WWOX: variants seen among roughly 807,000 people sequenced by gnomAD.
WWOX encodes the protein WW domain-containing oxidoreductase.
A neutral mutation model predicts 46.2 loss-of-function variants in WWOX; 69 were observed. The ratio of observed to expected loss-of-function variants is 1.49; its 90% CI spans 1.23 to 1.82. WWOX has a LOEUF of 1.82. Ranked by LOEUF, WWOX falls within the 40% of genes most tolerant of loss-of-function variation. The pLI is 0.00. For missense variants in WWOX, 919 were observed against 542.6 expected, an observed-to-expected ratio of 1.69 and a Z score of -6.89; for synonymous variants, 359 against 202.6, an observed-to-expected ratio of 1.77 and a Z score of -6.56.
intron 8 of WWOX, among the ~76,000 whole-genome samples, chr16:79,087,437 G>A (rs147370255): frequency 2.0e-5 from 3 of 152,280 alleles, no homozygotes; most frequent in African/African-American, 7.2e-5. Context: ...TGGTTTGTAG[G>A]CAGCTTTTCA....
At chr16:78,761,735 A>C (rs1215686107) in intron 8 of WWOX, among the ~76,000 whole-genome samples, 1 of 152,150 alleles carries the variant, frequency 6.6e-6, no homozygotes, top group African/African-American at 2.4e-5. Flanking sequence ...GTCCTCTTTG[A>C]AATCCCACAT....
chr16:78,910,156 T>TC (rs897180511), intron 8 of WWOX, among the ~76,000 whole-genome samples: 5 of 148,116 alleles, frequency 3.4e-5, no homozygotes, highest in African/African-American at 1.2e-4. Context: ...TGATGCTTTT[T>TC]CTCCCTTTTT....
At chr16:78,642,129 T>C (rs1012104039) in intron 8 of WWOX, among the ~76,000 whole-genome samples, 9 of 152,162 alleles carry the variant, frequency 5.9e-5, no homozygotes, top group Admixed American at 3.9e-4. Context: ...TTTCTCTCCA[T>C]CTAACAAGAA....
chr16:78,210,824 G>A (rs1428071133), intron 5 of WWOX, among the ~76,000 whole-genome samples: 1 of 152,086 alleles, frequency 6.6e-6, no homozygotes, highest in Non-Finnish European at 1.5e-5. Flanking sequence ...CCTATCTGTG[G>A]TTTAATATGT....
At chr16:79,028,498 A>G (rs1432766691) in intron 8 of WWOX, among the ~76,000 whole-genome samples, 1 of 151,680 alleles carries the variant, frequency 6.6e-6, no homozygotes, top group Non-Finnish European at 1.5e-5. Flanking sequence ...CTGCAAATCT[A>G]TCATTTTTCT....
chr16:78,122,434 A>G (rs2033142512), intron 4 of WWOX, among the ~76,000 whole-genome samples: 1 of 152,176 alleles, frequency 6.6e-6, no homozygotes, highest in South Asian at 2.1e-4. Flanking sequence ...CCCATAATTA[A>G]AAAAATTAAT....
chr16:78,894,336 C>G (rs937252863), intron 8 of WWOX, among the ~76,000 whole-genome samples: 1 of 152,186 alleles, frequency 6.6e-6, no homozygotes, highest in Non-Finnish European at 1.5e-5. Flanking sequence ...TGGTTCTTTG[C>G]TTCTCTCCAG....
chr16:78,673,243 T>A (rs1326730395), intron 8 of WWOX, among the ~76,000 whole-genome samples: 1 of 152,164 alleles, frequency 6.6e-6, no homozygotes, highest in Non-Finnish European at 1.5e-5. Context: ...TAATTTCTTC[T>A]TGGAAGTGAA....
At chr16:79,087,621 G>C (rs577053776) in intron 8 of WWOX, among the ~76,000 whole-genome samples, 30 of 152,342 alleles carry the variant, frequency 2.0e-4, no homozygotes, top group African/African-American at 7.0e-4. Flanking sequence ...ATTGGAGGCA[G>C]AGAAGAATTA....
intron 8 of WWOX, among the ~76,000 whole-genome samples, chr16:78,719,020 A>T (rs1394536138): frequency 6.6e-6 from 1 of 152,160 alleles, no homozygotes; most frequent in Non-Finnish European, 1.5e-5. Flanking sequence ...CAGGGGGGTT[A>T]GGTGGGTGAA....
At chr16:78,732,787 T>C (rs544735077) in intron 8 of WWOX, among the ~76,000 whole-genome samples, 13 of 152,320 alleles carry the variant, frequency 8.5e-5, no homozygotes, top group Admixed American at 6.5e-5. Context: ...TGTTTTCTTA[T>C]GGTTTTGGAA....
intron 8 of WWOX, among the ~76,000 whole-genome samples, chr16:78,648,595 A>G (rs1462163376): frequency 6.6e-6 from 1 of 152,096 alleles, no homozygotes; most frequent in African/African-American, 2.4e-5. Context: ...TTTTGTCCCC[A>G]CTTCCAACGC....
intron 8 of WWOX, among the ~76,000 whole-genome samples, chr16:78,493,905 A>G (rs2084847304): frequency 6.6e-6 from 1 of 152,178 alleles, no homozygotes; most frequent in Admixed American, 6.5e-5. Flanking sequence ...CTTCCCTACT[A>G]GGTAGAGCAA....
At chr16:78,835,511 C>A (rs1388383829) in intron 8 of WWOX, among the ~76,000 whole-genome samples, 1 of 152,198 alleles carries the variant, frequency 6.6e-6, no homozygotes, top group Non-Finnish European at 1.5e-5. Flanking sequence ...ATACTGAATA[C>A]CCCGTAAAAT....
chr16:78,468,869 G>T (rs1417914389), intron 8 of WWOX, among the ~76,000 whole-genome samples: 2 of 152,108 alleles, frequency 1.3e-5, no homozygotes, highest in Non-Finnish European at 2.9e-5. Flanking sequence ...CTTTCTTTGG[G>T]GGAAGCTAAC....
chr16:78,743,677 CCA>C (rs1472201685), intron 8 of WWOX, among the ~76,000 whole-genome samples: 1 of 152,156 alleles, frequency 6.6e-6, no homozygotes, highest in African/African-American at 2.4e-5. Context: ...TGGTTGCTTT[CCA>C]CGACCATTCA....
At chr16:78,987,564 T>G (rs1427558690) in intron 8 of WWOX, among the ~76,000 whole-genome samples, 1 of 152,158 alleles carries the variant, frequency 6.6e-6, no homozygotes, top group African/African-American at 2.4e-5. Context: ...ATAAAATATG[T>G]GGGTTGAGAA....
intron 8 of WWOX, among the ~76,000 whole-genome samples, chr16:78,715,169 C>T (rs187490663): frequency 4.5e-4 from 69 of 152,174 alleles, no homozygotes; most frequent in Non-Finnish European, 7.6e-4. Flanking sequence ...ACACAGAGAT[C>T]AGTTAGAAGA....
intron 4 of WWOX, among the ~76,000 whole-genome samples, chr16:78,142,332 A>G (rs2034016974): frequency 1.3e-5 from 2 of 152,246 alleles, no homozygotes; most frequent in African/African-American, 4.8e-5. Context: ...GGTTTACTTA[A>G]AACAAAACTG....
Sources: allele counts gnomAD v4.1 joint callset (sites outside exome capture counted in the v4.1 genomes callset), GRCh38; gene constraint gnomAD v4.1.1; transcripts MANE v1.5; gene names NCBI Gene and HGNC (gene_info 2026-07-23, HGNC 2026-07-21).